Variants in MGAT4D observed in about 807,000 individuals in gnomAD.
MGAT4D encodes the protein MGAT4 family member D.
In MGAT4D, 34 loss-of-function variants were observed where a neutral mutation model predicts 15.9. The ratio of observed to expected loss-of-function variants is 2.14; its 90% CI spans 1.62 to 2.84. The LOEUF (loss-of-function observed/expected upper bound fraction) is 2.84, where lower values mean the gene tolerates loss of function less well. MGAT4D is among the 30% of genes most tolerant of loss of function. The probability of loss-of-function intolerance (pLI) is 0.00; values close to 1 mark genes in which losing one functional copy is unlikely to be tolerated. For missense variants in MGAT4D, 327 were observed against 140.2 expected (o/e 2.33, Z -6.73); for synonymous variants, 112 against 48.2 (o/e 2.33, Z -5.49).
chr4:140,467,944 AC>A (rs372644616), intron 5 of MGAT4D, among the ~76,000 whole-genome samples: 1 of 152,154 alleles, frequency 6.6e-6, no homozygotes, highest in African/African-American at 2.4e-5. Context: ...TAATGAGAAA[AC>A]CTAGGAAAAG....
chr4:140,473,467 C>G (rs1351653488), intron 4 of MGAT4D, among the ~76,000 whole-genome samples: 1 of 152,120 alleles, frequency 6.6e-6, no homozygotes, highest in East Asian at 1.9e-4. Flanking sequence ...ACTCTAAGTA[C>G]TTTAAATATA....
At chr4:140,458,921 G>A (rs567726695) in intron 8 of MGAT4D, 1 of 152,122 alleles carries the variant, frequency 6.6e-6, no homozygotes, top group Non-Finnish European at 1.5e-5. Context: ...AAGCAGTATG[G>A]TAATACTTGA....
intron 5 of MGAT4D, among the ~76,000 whole-genome samples, chr4:140,468,481 C>T (rs1221662139): frequency 1.3e-5 from 2 of 152,092 alleles, no homozygotes; most frequent in African/African-American, 4.8e-5. Context: ...TTGTTTTACA[C>T]CTTTGCCTTC....
In MGAT4D at chr4:140,442,351, A is replaced by C. The variant is rs1729834995; in HGVS notation, c.*1085T>G. On this transcript the variant is annotated 3_prime_UTR_variant, in exon 11 of 11. Transcript: ENST00000511113. ...AGATCTTGGCACTCAAGAATAAGGC[A>C]ACAATGGGAAATGAAGAATTTCACA... 6.6e-6 allele frequency: 1 copy of C among 152,180 alleles called. No homozygotes were observed. Among genetic ancestry groups the C allele is most frequent in the Non-Finnish European group, 1.5e-5 (1 of 68,016 alleles). The allele number at this position is 152,180 out of a possible 1,614,324, so 9.4% of individuals were successfully genotyped here.
intron 7 of MGAT4D, among the ~76,000 whole-genome samples, 173 bp from the exon 8 acceptor site, chr4:140,459,799 C>CTTTTT (rs576574327): frequency 9.2e-5 from 10 of 109,052 alleles, no homozygotes; most frequent in Non-Finnish European, 1.3e-4. Context: ...AGTTGATTTC[C>CTTTTT]TTTTTTTTTT....
chr4:140,485,438 T>G (rs998571224), intron 1 of MGAT4D, among the ~76,000 whole-genome samples: 15 of 151,898 alleles, frequency 9.9e-5, no homozygotes, highest in Non-Finnish European at 2.1e-4. Flanking sequence ...CATTAGGAGA[T>G]ATACCTAATG....
chr4:140,495,311 A>G lies in MGAT4D; in HGVS notation c.94+2818T>C, dbSNP rs145791640. On this transcript the variant is annotated intron_variant, in intron 1 of 10. Coordinates refer to ENST00000511113, the MANE Select transcript of MGAT4D (RefSeq NM_001277353.2). ...CTCTGACAGCCCTTTCCTTTAAAAC[A>G]GCACTTTCCTTTCCCTAACCCTGCC... Among the ~76,000 whole-genome samples, 7 of 152,344 alleles carry G rather than the reference A, an allele frequency of 4.6e-5. 1 individual carries two copies. The East Asian group carries it at 1.3e-3, about 29-fold the overall frequency.
At chr4:140,493,609 T>G (rs1179952742) in intron 1 of MGAT4D, among the ~76,000 whole-genome samples, 1 of 152,146 alleles carries the variant, frequency 6.6e-6, no homozygotes, top group Non-Finnish European at 1.5e-5. Flanking sequence ...CCTTTATTTT[T>G]TAAAATGTAA....
At chr4:140,481,455 C>A (rs116646613) in intron 2 of MGAT4D, among the ~76,000 whole-genome samples, 1,956 of 152,232 alleles carry the variant, frequency 0.013, 40 homozygotes, top group African/African-American at 0.044. Context: ...CCTACTTCTA[C>A]ATATGAATTC....
chr4:140,458,027 T>C (rs566756146), intron 8 of MGAT4D: 1 of 152,100 alleles, frequency 6.6e-6, no homozygotes, highest in Non-Finnish European at 1.5e-5. Context: ...TAATAATAGA[T>C]AAAACCAAGT....
intron 1 of MGAT4D, among the ~76,000 whole-genome samples, chr4:140,492,643 A>T (rs184714047): frequency 0.034 from 5,086 of 150,750 alleles, 119 homozygotes; most frequent in Middle Eastern, 0.054. Context: ...AAAAAAAAAA[A>T]TTGATTGTTT....
At chr4:140,469,597 C>T (rs1731778535) in intron 5 of MGAT4D, among the ~76,000 whole-genome samples, 1 of 151,974 alleles carries the variant, frequency 6.6e-6, no homozygotes, top group South Asian at 2.1e-4. Context: ...TTCTTTCTTC[C>T]CCCATCCCCA....
chr4:140,485,323 T>G (rs1199926388), intron 1 of MGAT4D, among the ~76,000 whole-genome samples: 1 of 152,004 alleles, frequency 6.6e-6, no homozygotes, highest in Non-Finnish European at 1.5e-5. Context: ...ACACTGCATG[T>G]TCTCAGTCAT....
At chr4:140,455,087 C>A (rs1029921956) in intron 9 of MGAT4D, among the ~76,000 whole-genome samples, 50 of 152,030 alleles carry the variant, frequency 3.3e-4, no homozygotes, top group African/African-American at 1.2e-3. Flanking sequence ...TTTTCTTTTA[C>A]TATTATTATT....
chr4:140,492,598 A>T (rs1316397841), intron 1 of MGAT4D, among the ~76,000 whole-genome samples: 1 of 151,484 alleles, frequency 6.6e-6, no homozygotes. Context: ...ACCGCCCTCT[A>T]GCCTGGATGA....
chr4:140,447,260 T>C (rs1730194482), intron 10 of MGAT4D, among the ~76,000 whole-genome samples: 1 of 152,164 alleles, frequency 6.6e-6, no homozygotes, highest in East Asian at 1.9e-4. Context: ...TAAATATCTT[T>C]TGTTAATTTT....
rs115062113 is a variant in MGAT4D at position 140,450,889 on chromosome 4, T to C, written c.1116+521A>G. 1.5e-3 allele frequency among the ~76,000 whole-genome samples: 235 copies of C among 152,248 alleles called. 3 individuals carry two copies. The highest frequency in any genetic ancestry group is 5.4e-3 in the African/African-American group (226 of 41,560). ...CTTTGACCTTGAATTCCTTGTTTCT[T>C]CTACTACACTAAGGGGCTAAGTTAA... On this transcript the variant is annotated intron_variant, in intron 10 of 10. Coordinates refer to ENST00000511113, the MANE Select transcript of MGAT4D (RefSeq NM_001277353.2).
In MGAT4D at chr4:140,498,267, T is replaced by A. The variant is rs1298973737; in HGVS notation, c.-45A>T. On this transcript the variant is annotated 5_prime_UTR_variant, in exon 1 of 11. Transcript: ENST00000511113. ...GAGGCCGGCGGGTGGAGGCGGCGGA[T>A]AATGCCAGGGACGGGGTTGAGCGCG... The A allele has an allele frequency of 2.9e-6, 2 of 701,178 alleles. No homozygotes were observed. Among genetic ancestry groups the A allele is most frequent in the Admixed American group, 4.0e-5 (2 of 49,838 alleles). 43.4% of individuals were successfully genotyped at this position (701,178 alleles called of 1,614,324 possible).
intron 2 of MGAT4D, among the ~76,000 whole-genome samples, chr4:140,480,199 T>G (rs1461833462): frequency 6.6e-6 from 1 of 152,140 alleles, no homozygotes; most frequent in Non-Finnish European, 1.5e-5. Flanking sequence ...AAAAATATGG[T>G]TGACTGACTT....
Sources: gnomAD v4.1 joint callset for allele counts (sites outside exome capture counted in the v4.1 genomes callset) on GRCh38, gnomAD v4.1.1 for gene constraint, MANE v1.5 for transcripts, NCBI Gene and HGNC (gene_info 2026-07-23, HGNC 2026-07-21) for gene names.